Variants in CDH4 observed in about 807,000 individuals in gnomAD.
The protein encoded by CDH4 is cadherin 4.
In CDH4, 33 loss-of-function variants were observed where a neutral mutation model predicts 86.0. The ratio of observed to expected loss-of-function variants is 0.38; its 90% CI spans 0.29 to 0.51. CDH4 has a LOEUF of 0.51. Among genes scored for constraint, CDH4 ranks in the 20% least tolerant of loss-of-function variants. CDH4 has a pLI of 0.86. For missense variants in CDH4, 1,114 were observed against 1,307.4 expected (o/e 0.85, Z 2.28); for synonymous variants, 555 against 549.4 (o/e 1.01, Z -0.14).
intron 2 of CDH4, among the ~76,000 whole-genome samples, chr20:61,412,346 C>T (rs1311036977): frequency 6.6e-6 from 1 of 152,172 alleles, no homozygotes; most frequent in Non-Finnish European, 1.5e-5. Context: ...ATGTTGGTAG[C>T]TTGGAACTGG....
At chr20:61,357,779 C>T (rs28693488) in intron 2 of CDH4, among the ~76,000 whole-genome samples, 12,131 of 152,216 alleles carry the variant, frequency 0.08, 562 homozygotes, top group South Asian at 0.16. Context: ...AACACAGTGC[C>T]GGCCTCACAA....
chr20:61,924,066 G>C (rs2055016410), intron 10 of CDH4, among the ~76,000 whole-genome samples: 2 of 152,248 alleles, frequency 1.3e-5, no homozygotes, highest in South Asian at 4.1e-4. Context: ...TCTGCCCACA[G>C]GGTCCTTGTG....
At chr20:61,851,181 G>A (rs1418212451) in intron 5 of CDH4, among the ~76,000 whole-genome samples, 2 of 152,204 alleles carry the variant, frequency 1.3e-5, no homozygotes, top group Non-Finnish European at 2.9e-5. Flanking sequence ...AAGCTGACCT[G>A]GCGTGCGTGC....
At chr20:61,290,765 G>A (rs982329507) in intron 2 of CDH4, among the ~76,000 whole-genome samples, 1 of 152,198 alleles carries the variant, frequency 6.6e-6, no homozygotes, top group East Asian at 1.9e-4. Flanking sequence ...GGGGAGAAAG[G>A]ACCTGCTACT....
At chr20:61,434,693 G>C (rs1479272365) in intron 2 of CDH4, 1 of 151,654 alleles carries the variant, frequency 6.6e-6, no homozygotes, top group Non-Finnish European at 1.5e-5. Context: ...TCCAGGCCTC[G>C]CCCCACCTCC....
intron 5 of CDH4, among the ~76,000 whole-genome samples, chr20:61,849,588 C>T (rs752206290): frequency 6.6e-5 from 10 of 152,092 alleles, no homozygotes; most frequent in Non-Finnish European, 1.2e-4. Flanking sequence ...GGAGGACCTG[C>T]CTCTAGGCTC....
In CDH4 at chr20:61,434,262, G is replaced by T. The variant is rs1408517644; in HGVS notation, c.169+179325G>T. The stretch of plus-strand genomic sequence containing the variant: ...TGGTTTTGCTGAATGGTGCTCGTTA[G>T]ACTTTGCATAATCGAATTTAGCCCA... On this transcript the variant is annotated intron_variant, in intron 2 of 15. Transcript: ENST00000614565. Among the ~76,000 whole-genome samples the T allele has an allele frequency of 5.3e-5, 8 of 152,292 alleles. No homozygotes were observed. The East Asian group carries it at 9.7e-4, about 18-fold the overall frequency.
intron 6 of CDH4, among the ~76,000 whole-genome samples, chr20:61,870,669 G>A (rs956509356): frequency 7.2e-5 from 11 of 152,168 alleles, no homozygotes; most frequent in African/African-American, 2.7e-4. Flanking sequence ...TCGGGAAGCT[G>A]GAGTGGCTTC....
chr20:61,544,224 C>T lies in CDH4; in HGVS notation c.170-199339C>T, dbSNP rs115523484. ...GTCTCCCCAGGGGACCTCGGCAATG[C>T]CAGAGACCACAGTTGTGTATGTATA... On this transcript the variant is annotated intron_variant, in intron 2 of 15. Coordinates refer to ENST00000614565, the MANE Select transcript of CDH4 (RefSeq NM_001794.5). The surrounding 1 kb of genome is among the most constrained non-coding windows in gnomAD (Gnocchi z 6.5). Among the ~76,000 whole-genome samples, 2,826 of 152,240 alleles carry T rather than the reference C, an allele frequency of 0.019. 87 individuals carry two copies. The highest frequency in any genetic ancestry group is 0.065 in the African/African-American group (2,704 of 41,538).
chr20:61,769,955 G>A (rs1238693105), intron 3 of CDH4, among the ~76,000 whole-genome samples: 1 of 152,196 alleles, frequency 6.6e-6, no homozygotes, highest in African/African-American at 2.4e-5. Flanking sequence ...GGACAGGTGG[G>A]ATGTCTTCAG....
At chr20:61,333,368 A>G (rs116870165) in intron 2 of CDH4, among the ~76,000 whole-genome samples, 2 of 152,310 alleles carry the variant, frequency 1.3e-5, no homozygotes, top group East Asian at 3.9e-4. Context: ...AGAAACCTCA[A>G]TTCAGACATT....
chr20:61,600,029 T>G, intron 2 of CDH4: 1 of 877,816 alleles, frequency 1.1e-6, no homozygotes, highest in South Asian at 5.2e-5. Flanking sequence ...GAAGGGTTTA[T>G]TATAATTTAA....
intron 8 of CDH4, among the ~76,000 whole-genome samples, chr20:61,907,230 AC>A: frequency 6.6e-6 from 1 of 151,898 alleles, no homozygotes; most frequent in Non-Finnish European, 1.5e-5. Context: ...TCACAGCAAC[AC>A]GGACCTGGCT....
intron 2 of CDH4, among the ~76,000 whole-genome samples, chr20:61,342,724 A>C (rs985713643): frequency 2.0e-5 from 3 of 149,862 alleles, no homozygotes; most frequent in Non-Finnish European, 4.5e-5. Context: ...GGGCTGCAGT[A>C]TCCTGGGCGG....
At chr20:61,687,626 C>A (rs1425104020) in intron 2 of CDH4, among the ~76,000 whole-genome samples, 3 of 152,206 alleles carry the variant, frequency 2.0e-5, no homozygotes, top group Non-Finnish European at 4.4e-5. Flanking sequence ...CTAGGGTTTC[C>A]TCTCTGCTAA....
intron 2 of CDH4, among the ~76,000 whole-genome samples, chr20:61,737,951 C>T (rs73316174): frequency 0.015 from 2,212 of 152,320 alleles, 60 homozygotes; most frequent in African/African-American, 0.05. Context: ...GGTGCACACC[C>T]GCCTTGCTGG....
At chr20:61,263,480 G>A (rs1329648338) in intron 2 of CDH4, among the ~76,000 whole-genome samples, 1 of 152,200 alleles carries the variant, frequency 6.6e-6, no homozygotes, top group African/African-American at 2.4e-5. Context: ...CTTACCATGT[G>A]CCAATGTGTC....
At chr20:61,691,507 T>C (rs2087654714) in intron 2 of CDH4, among the ~76,000 whole-genome samples, 1 of 152,082 alleles carries the variant, frequency 6.6e-6, no homozygotes, top group Non-Finnish European at 1.5e-5. Flanking sequence ...ATTAGGGACA[T>C]ATATGTACAG....
At chr20:61,883,637 C>T (rs1000480534) in intron 7 of CDH4, among the ~76,000 whole-genome samples, 39 of 152,338 alleles carry the variant, frequency 2.6e-4, no homozygotes, top group Admixed American at 1.6e-3. Context: ...AGCTCAGGCA[C>T]GTGGCCCTCC....
Sources: gnomAD v4.1 joint callset for allele counts (sites outside exome capture counted in the v4.1 genomes callset) on GRCh38, gnomAD v4.1.1 for gene constraint, Gnocchi (gnomAD v3.1) non-coding constraint, MANE v1.5 for transcripts, NCBI Gene and HGNC (gene_info 2026-07-23, HGNC 2026-07-21) for gene names.